Variants in ZNF322 observed in about 807,000 individuals in gnomAD.
The protein encoded by ZNF322 is HLA complex group 12.
Under a neutral mutation model 18.3 loss-of-function variants are expected in ZNF322, and 1 was observed. The ratio of observed to expected loss-of-function variants is 0.05; its 90% confidence interval spans 0.02 to 0.26. The LOEUF (loss-of-function observed/expected upper bound fraction) is 0.26, where lower values mean the gene tolerates loss of function less well. Ranked by LOEUF, ZNF322 falls within the 10% of genes least tolerant of loss-of-function variation. ZNF322 has a pLI of 1.00. For missense variants in ZNF322, 36 were observed against 403.6 expected, an observed-to-expected ratio of 0.09 and a Z score of 7.80; for synonymous variants, 17 against 130.7, an observed-to-expected ratio of 0.13 and a Z score of 5.93.
intron 3 of ZNF322, among the ~76,000 whole-genome samples, chr6:26,641,634 C>T (rs781829889): frequency 2.6e-5 from 4 of 152,170 alleles, no homozygotes; most frequent in African/African-American, 4.8e-5. Flanking sequence ...GCCCTGTGCT[C>T]GCAGAAACAT....
At chr6:26,641,512 G>C (rs1403885522) in intron 3 of ZNF322, among the ~76,000 whole-genome samples, 1 of 152,146 alleles carries the variant, frequency 6.6e-6, no homozygotes, top group Non-Finnish European at 1.5e-5. Context: ...AGAGAGATCA[G>C]ACTGTTACTG....
chr6:26,644,668 T>G (rs1458914627), intron 2 of ZNF322, among the ~76,000 whole-genome samples: 1 of 152,192 alleles, frequency 6.6e-6, no homozygotes. Context: ...TTCCCCCTTT[T>G]GGTCCTCTTC....
chr6:26,645,001 T>G (rs185862692), intron 2 of ZNF322, among the ~76,000 whole-genome samples: 113 of 152,244 alleles, frequency 7.4e-4, no homozygotes, highest in Admixed American at 2.4e-3. Flanking sequence ...TGTGTGTTGT[T>G]CCCCTCCCTG....
At chr6:26,657,548 C>T (rs1208787076) in intron 2 of ZNF322, among the ~76,000 whole-genome samples, 1 of 152,120 alleles carries the variant, frequency 6.6e-6, no homozygotes, top group Non-Finnish European at 1.5e-5. Flanking sequence ...TTTTATTTCT[C>T]TCCACAGCAC....
intron 2 of ZNF322, among the ~76,000 whole-genome samples, chr6:26,654,815 A>G (rs1765735512): frequency 6.6e-6 from 1 of 152,138 alleles, no homozygotes; most frequent in Non-Finnish European, 1.5e-5. Context: ...CATAATCTGA[A>G]AATATCTCCC....
intron 2 of ZNF322, among the ~76,000 whole-genome samples, chr6:26,657,938 A>C (rs1466106359): frequency 6.6e-6 from 1 of 152,064 alleles, no homozygotes; most frequent in African/African-American, 2.4e-5. Context: ...GGAACACGAC[A>C]AAAGTCCAAG....
chr6:26,652,697 A>AT (rs199986283), intron 2 of ZNF322, among the ~76,000 whole-genome samples: 2,045 of 152,244 alleles, frequency 0.013, 24 homozygotes, highest in Admixed American at 0.027. Context: ...TCTCAAAAAA[A>AT]AAAAAAAAAT....
At chr6:26,658,935 T>G (rs1485367774) in intron 1 of ZNF322, 1 of 152,244 alleles carries the variant, frequency 6.6e-6, no homozygotes, top group South Asian at 2.1e-4. Context: ...TTGTTTTTTC[T>G]CCTTCTGCTA....
At chr6:26,640,037 T>G (rs1240982842) in intron 3 of ZNF322, among the ~76,000 whole-genome samples, 2 of 152,120 alleles carry the variant, frequency 1.3e-5, no homozygotes, top group Non-Finnish European at 2.9e-5. Flanking sequence ...CTCTCCTGCA[T>G]TATCAATTTA....
chr6:26,658,646 C>T lies in ZNF322; in HGVS notation c.-334G>A, dbSNP rs1554149896. 1 of 166,518 alleles carries T rather than the reference C, an allele frequency of 6.0e-6. No homozygotes were observed. Among genetic ancestry groups the T allele is most frequent in the African/African-American group, 2.4e-5 (1 of 41,408 alleles). The allele number at this position is 166,518 out of a possible 1,614,324, so 10.3% of individuals were successfully genotyped here. On this transcript the variant is annotated splice_region_variant and 5_prime_UTR_variant, in exon 2 of 4. Transcript: ENST00000415922. Reference sequence around the variant, plus strand: ...TTCACAACACTCAATTCTTGCCTCTCCTAGAGGAAAAATCAATAATGTAGA... The same window carrying T: ...TTCACAACACTCAATTCTTGCCTCTTCTAGAGGAAAAATCAATAATGTAGA...
intron 3 of ZNF322, among the ~76,000 whole-genome samples, chr6:26,642,355 G>A (rs782714976): frequency 6.6e-6 from 1 of 152,208 alleles, no homozygotes. Context: ...CTTGCTGAGC[G>A]CCGGTCCCCT....
chr6:26,655,001 C>A (rs535181528), intron 2 of ZNF322, among the ~76,000 whole-genome samples: 2 of 152,072 alleles, frequency 1.3e-5, no homozygotes, highest in Non-Finnish European at 2.9e-5. Context: ...ATCACTTCTG[C>A]GGTATCTTGC....
chr6:26,640,368 C>T (rs1047133425), intron 3 of ZNF322, among the ~76,000 whole-genome samples: 1 of 152,176 alleles, frequency 6.6e-6, no homozygotes, highest in African/African-American at 2.4e-5. Flanking sequence ...TCTACTTACT[C>T]ATTGCACTCC....
chr6:26,658,927 GT>G (rs1186561258), intron 1 of ZNF322: 2 of 152,064 alleles, frequency 1.3e-5, no homozygotes, highest in East Asian at 1.9e-4. Context: ...TTTTTCGTTT[GT>G]TTTTTCTCCT....
rs1402893067 is a variant in ZNF322 at position 26,636,503 on chromosome 6, G to A, written c.*842C>T. On this transcript the variant is annotated 3_prime_UTR_variant, in exon 4 of 4. Transcript: ENST00000415922. ...TCATGTAAAGTCCTCTCTACCATATGAGTCAACTAACTATGAGAACAGTCT... is the reference window on the plus strand; with the variant it reads ...TCATGTAAAGTCCTCTCTACCATATAAGTCAACTAACTATGAGAACAGTCT... 2 of 151,816 alleles carry A rather than the reference G, an allele frequency of 1.3e-5. No individual in the cohort carries two copies. Among genetic ancestry groups the A allele is most frequent in the East Asian group, 1.9e-4 (1 of 5,132 alleles). 9.4% of individuals were successfully genotyped at this position (151,816 alleles called of 1,614,324 possible). A position where few individuals can be genotyped will look rare whatever the true frequency, so the allele number is the denominator to read the frequency against.
At chr6:26,641,053 C>A (rs1765458116) in intron 3 of ZNF322, among the ~76,000 whole-genome samples, 1 of 152,186 alleles carries the variant, frequency 6.6e-6, no homozygotes, top group African/African-American at 2.4e-5. Flanking sequence ...AACATGGTTA[C>A]CTCTGGGTAA....
chr6:26,641,429 C>T (rs1581488751), intron 3 of ZNF322, among the ~76,000 whole-genome samples: 2 of 152,108 alleles, frequency 1.3e-5, no homozygotes, highest in Non-Finnish European at 2.9e-5. Context: ...CTGAAGTAGA[C>T]AAGCTAAACA....
At chr6:26,646,406 T>C (rs1438033983) in intron 2 of ZNF322, among the ~76,000 whole-genome samples, 1 of 152,156 alleles carries the variant, frequency 6.6e-6, no homozygotes, top group Non-Finnish European at 1.5e-5. Flanking sequence ...AGTAGGGCTT[T>C]TGATCCTGAT....
chr6:26,640,413 C>T (rs1353713484), intron 3 of ZNF322, among the ~76,000 whole-genome samples: 1 of 152,178 alleles, frequency 6.6e-6, no homozygotes, highest in African/African-American at 2.4e-5. Flanking sequence ...TTCAAACAAG[C>T]CAGACTCACT....
Sources: gnomAD v4.1 joint callset for allele counts (sites outside exome capture counted in the v4.1 genomes callset) on GRCh38, gnomAD v4.1.1 for gene constraint, MANE v1.5 for transcripts, NCBI Gene and HGNC (gene_info 2026-07-23, HGNC 2026-07-21) for gene names.